Variants in GPAM observed in about 807,000 individuals in gnomAD.
GPAM encodes the protein glycerol-3-phosphate acyltransferase 1, mitochondrial.
A neutral mutation model predicts 105.0 loss-of-function variants in GPAM; 56 were observed. The ratio of observed to expected loss-of-function variants is 0.53; its 90% CI spans 0.43 to 0.67. GPAM has a LOEUF of 0.67. GPAM is among the 30% of genes least tolerant of loss of function. The pLI is 0.00. For missense variants in GPAM, 855 were observed against 989.8 expected (o/e 0.86, Z 1.83); for synonymous variants, 368 against 354.4 (o/e 1.04, Z -0.43).
At chr10:112,168,093 T>G (rs1847249599) in intron 11 of GPAM, among the ~76,000 whole-genome samples, 1 of 152,182 alleles carries the variant, frequency 6.6e-6, no homozygotes, top group Non-Finnish European at 1.5e-5. Context: ...ACCAGGTCAC[T>G]TCTGCCAAGC....
At position 112,151,513 on chromosome 10, in the gene GPAM, G is replaced by C; in HGVS notation, c.*2037C>G. ...CCTCACAGTGAGTTAAGTGGTGAGA[G>C]AGCTAGCAAATCATACATTGCATTC... is the stretch of plus-strand genomic sequence containing the variant. On this transcript the variant is annotated 3_prime_UTR_variant, in exon 22 of 22. Coordinates refer to ENST00000348367, the MANE Select transcript of GPAM (RefSeq NM_001244949.2). 1 of 985,784 alleles carries C rather than the reference G, an allele frequency of 1.0e-6. No homozygotes were observed. The allele number at this position is 985,784 out of a possible 1,614,324, so 61.1% of individuals were successfully genotyped here.
At chr10:112,212,568 G>A (rs966530625) in intron 1 of GPAM, among the ~76,000 whole-genome samples, 3 of 152,128 alleles carry the variant, frequency 2.0e-5, no homozygotes, top group Admixed American at 1.3e-4. Context: ...CGGCCTCGCT[G>A]TTACTTTTAA....
chr10:112,174,908 G>A (rs537123633), intron 6 of GPAM, among the ~76,000 whole-genome samples: 1 of 152,236 alleles, frequency 6.6e-6, no homozygotes, highest in South Asian at 2.1e-4. Context: ...GTCTACAGAT[G>A]ACACTTATGA....
At chr10:112,153,996 G>C in intron 21 of GPAM, 1 of 307,132 alleles carries the variant, frequency 3.3e-6, no homozygotes, top group South Asian at 3.3e-5. Flanking sequence ...AAGGCCGCTA[G>C]TATCTCTATA....
At chr10:112,224,433 C>G in the GPAM span, among the ~76,000 whole-genome samples, 1 of 152,084 alleles carries the variant, frequency 6.6e-6, no homozygotes, top group Admixed American at 6.6e-5. Context: ...ATGAGCTGAG[C>G]TTTCTGGCCT....
chr10:112,208,963 G>A (rs554618421), intron 1 of GPAM, among the ~76,000 whole-genome samples: 11 of 152,156 alleles, frequency 7.2e-5, no homozygotes, highest in South Asian at 2.1e-4. Flanking sequence ...AACCACTGGC[G>A]TTGGCTGGAG....
upstream of GPAM, among the ~76,000 whole-genome samples, chr10:112,184,377 G>C (rs1847565616): frequency 6.6e-6 from 1 of 152,120 alleles, no homozygotes; most frequent in Non-Finnish European, 1.5e-5. Context: ...CATTTCAAAA[G>C]TTCTCACCAT....
chr10:112,220,002 T>G (rs772895063), upstream of GPAM, among the ~76,000 whole-genome samples: 2 of 152,152 alleles, frequency 1.3e-5, no homozygotes, highest in Non-Finnish European at 2.9e-5. Flanking sequence ...GTCACAAGAT[T>G]TGCCACTTTT....
At chr10:112,198,114 T>C (rs1847747489) in intron 1 of GPAM, among the ~76,000 whole-genome samples, 1 of 152,162 alleles carries the variant, frequency 6.6e-6, no homozygotes, top group African/African-American at 2.4e-5. Flanking sequence ...ACCTACTTTA[T>C]AGTACTAAAA....
Position 112,166,533 on chromosome 10 carries a change from G to C in GPAM, c.1108-18C>G. The C allele has an allele frequency of 7.5e-7, 1 of 1,330,070 alleles. No individual in the cohort carries two copies. Among genetic ancestry groups the C allele is most frequent in the Non-Finnish European group, 1.1e-6 (1 of 920,832 alleles). The allele number at this position is 1,330,070 out of a possible 1,614,324, so 82.4% of individuals were successfully genotyped here. ...GGTTTGCCCTAAATTCCAATAGTGAGAATAACATGGTGAGAAATAAAGCCA... is the reference window on the plus strand; with the variant it reads ...GGTTTGCCCTAAATTCCAATAGTGACAATAACATGGTGAGAAATAAAGCCA... On this transcript the variant is annotated intron_variant, in intron 11 of 21. Coordinates refer to ENST00000348367, the MANE Select transcript of GPAM (RefSeq NM_001244949.2).
intron 16 of GPAM, chr10:112,160,387 G>A: frequency 2.1e-6 from 2 of 961,796 alleles, no homozygotes; most frequent in Non-Finnish European, 2.5e-6. Flanking sequence ...TACCTCTCCT[G>A]AAAAATAAGG....
At chr10:112,225,831 G>A in the GPAM span, among the ~76,000 whole-genome samples, 2 of 152,160 alleles carry the variant, frequency 1.3e-5, no homozygotes, top group African/African-American at 4.8e-5. Flanking sequence ...TGGCAAGCAT[G>A]TTTTGTTTTG....
upstream of GPAM, among the ~76,000 whole-genome samples, chr10:112,186,808 C>A (rs552810662): frequency 2.1e-3 from 320 of 152,320 alleles, no homozygotes; most frequent in African/African-American, 7.2e-3. Flanking sequence ...GCCTCGACCT[C>A]CCAAAGTGCT....
chr10:112,180,681 C>G, intron 3 of GPAM, 86 bp from the exon 4 acceptor site: 1 of 1,245,764 alleles, frequency 8.0e-7, no homozygotes, highest in Non-Finnish European at 1.2e-6. Flanking sequence ...GTATTTTGAA[C>G]AGAAGAAAAA....
At chr10:112,211,923 G>A (rs551731477) in intron 1 of GPAM, among the ~76,000 whole-genome samples, 1 of 152,308 alleles carries the variant, frequency 6.6e-6, no homozygotes, top group East Asian at 1.9e-4. Flanking sequence ...TTAAGCTGGG[G>A]ACCTTGGTTT....
At chr10:112,193,397 G>C (rs1018342205) in intron 1 of GPAM, among the ~76,000 whole-genome samples, 1 of 152,168 alleles carries the variant, frequency 6.6e-6, no homozygotes, top group Admixed American at 6.5e-5. Flanking sequence ...GCCAACTGGG[G>C]CTGACCCAAG....
intron 1 of GPAM, among the ~76,000 whole-genome samples, chr10:112,199,348 G>T (rs1176591696): frequency 2.0e-5 from 3 of 152,106 alleles, no homozygotes; most frequent in African/African-American, 7.2e-5. Context: ...CAGAAATGTT[G>T]AACTCAAAGA....
intron 5 of GPAM, among the ~76,000 whole-genome samples, chr10:112,177,033 T>C (rs543828613): frequency 6.6e-6 from 1 of 152,134 alleles, no homozygotes; most frequent in East Asian, 1.9e-4. Flanking sequence ...GATCTTATCA[T>C]CTTATCAAAA....
intron 17 of GPAM, among the ~76,000 whole-genome samples, chr10:112,159,689 T>C (rs530101209): frequency 6.6e-6 from 1 of 152,286 alleles, no homozygotes; most frequent in Non-Finnish European, 1.5e-5. Flanking sequence ...ATCTGTCCTA[T>C]CATGGCTCAT....
Sources: gnomAD v4.1 joint callset for allele counts (sites outside exome capture counted in the v4.1 genomes callset) on GRCh38, gnomAD v4.1.1 for gene constraint, MANE v1.5 for transcripts, NCBI Gene and HGNC (gene_info 2026-07-23, HGNC 2026-07-21) for gene names.